Variants in GLDC observed in about 807,000 individuals in gnomAD.
GLDC encodes glycine decarboxylase.
Under a neutral mutation model 121.3 loss-of-function variants are expected in GLDC, and 104 were observed. The ratio of observed to expected loss-of-function variants is 0.86; its 90% CI spans 0.73 to 1.01. The LOEUF (loss-of-function observed/expected upper bound fraction) is 1.01, where lower values mean the gene tolerates loss of function less well. GLDC is among the 50% of genes least tolerant of loss of function. The pLI is 0.00. For missense variants in GLDC, 1,429 were observed against 1,306.6 expected (o/e 1.09, Z -1.44); for synonymous variants, 546 against 480.6 (o/e 1.14, Z -1.78).
In GLDC at chr9:6,620,327, T is replaced by G. The variant is rs770049528; in HGVS notation, c.335-8A>C. 1.9e-6 allele frequency: 3 copies of G among 1,612,124 alleles called. No homozygotes were observed. The highest frequency in any genetic ancestry group is 2.5e-6 in the Non-Finnish European group (3 of 1,178,184). On this transcript the variant is annotated splice_region_variant and splice_polypyrimidine_tract_variant and intron_variant, in intron 2 of 24. Coordinates refer to ENST00000321612, the MANE Select transcript of GLDC (RefSeq NM_000170.3). ...CAAGGATTTCATTTTCACCTAATTG[T>G]GGGAAAAAGAGAAATGTTACAGACA...
intron 2 of GLDC, among the ~76,000 whole-genome samples, chr9:6,642,388 G>A (rs1028481569): frequency 2.6e-5 from 4 of 151,998 alleles, no homozygotes; most frequent in African/African-American, 4.8e-5. Context: ...AAAATTAGCC[G>A]GGCATGGTGG....
At chr9:6,565,332 C>A (rs781148068) in intron 16 of GLDC, 22 bp downstream of exon 16, 1 of 1,575,498 alleles carries the variant, frequency 6.3e-7, no homozygotes, top group Admixed American at 1.7e-5. Context: ...GGTGAGCAAG[C>A]GCCACCTCCT....
At chr9:6,569,970 A>T (rs1817925349) in intron 15 of GLDC, among the ~76,000 whole-genome samples, 1 of 152,140 alleles carries the variant, frequency 6.6e-6, no homozygotes, top group South Asian at 2.1e-4. Context: ...AGTGAGACTC[A>T]GGCTCATGGC....
At chr9:6,644,009 G>A (rs1819681244) in intron 2 of GLDC, among the ~76,000 whole-genome samples, 1 of 105,166 alleles carries the variant, frequency 9.5e-6, no homozygotes, top group Non-Finnish European at 1.8e-5. Flanking sequence ...ACTCCAGCCT[G>A]GGCGACAGAG....
intron 15 of GLDC, among the ~76,000 whole-genome samples, chr9:6,569,890 C>A (rs1384704566): frequency 6.6e-6 from 1 of 151,622 alleles, no homozygotes; most frequent in Non-Finnish European, 1.5e-5. Context: ...GCAGGAGAAT[C>A]GCTTAAAGCA....
intron 2 of GLDC, among the ~76,000 whole-genome samples, chr9:6,626,815 C>T (rs928051537): frequency 6.6e-6 from 1 of 152,174 alleles, no homozygotes; most frequent in Non-Finnish European, 1.5e-5. Flanking sequence ...CACCACCTGC[C>T]ACTCAGGCAC....
intron 20 of GLDC, among the ~76,000 whole-genome samples, 182 bp downstream of exon 20, chr9:6,553,186 T>C (rs2129713797): frequency 1.3e-5 from 2 of 152,266 alleles, no homozygotes; most frequent in Admixed American, 6.5e-5. Context: ...AGAGATGAAA[T>C]GATTTTTAGC....
At chr9:6,603,127 C>G (rs1818652248) in intron 7 of GLDC, among the ~76,000 whole-genome samples, 1 of 151,798 alleles carries the variant, frequency 6.6e-6, no homozygotes, top group African/African-American at 2.4e-5. Context: ...ACTTGGGAGG[C>G]TGAGGCTCAA....
intron 9 of GLDC, among the ~76,000 whole-genome samples, chr9:6,594,581 G>C (rs1818450687): frequency 6.6e-6 from 1 of 151,956 alleles, no homozygotes; most frequent in African/African-American, 2.4e-5. Context: ...CTTAATCCCA[G>C]TTACCTGAGA....
chr9:6,553,290 A>G, intron 20 of GLDC, 78 bp downstream of exon 20: 1 of 1,258,596 alleles, frequency 7.9e-7, no homozygotes, highest in Non-Finnish European at 1.2e-6. Flanking sequence ...TTAAGCCAAG[A>G]AGTCTGCAGT....
chr9:6,559,888 G>A (rs1049477556), intron 16 of GLDC, among the ~76,000 whole-genome samples: 8 of 152,178 alleles, frequency 5.3e-5, no homozygotes, highest in Non-Finnish European at 1.0e-4. Context: ...CACTAACAAT[G>A]GTGGCCTGTG....
chr9:6,628,294 G>C (rs1446799854), intron 2 of GLDC, among the ~76,000 whole-genome samples: 2 of 152,128 alleles, frequency 1.3e-5, no homozygotes, highest in Admixed American at 6.5e-5. Context: ...CCAAACCTTG[G>C]AAAGCAAATG....
At chr9:6,623,367 G>A (rs2129961683) in intron 2 of GLDC, among the ~76,000 whole-genome samples, 1 of 144,462 alleles carries the variant, frequency 6.9e-6, no homozygotes, top group South Asian at 2.3e-4. Flanking sequence ...AGGGTTAAAT[G>A]GATTAAGGGC....
At chr9:6,545,345 A>G (rs902097986) in intron 21 of GLDC, among the ~76,000 whole-genome samples, 5 of 152,208 alleles carry the variant, frequency 3.3e-5, no homozygotes, top group African/African-American at 1.2e-4. Flanking sequence ...ACTGTAGGCA[A>G]TTGTAACACA....
At chr9:6,631,453 AT>A (rs1327233468) in intron 2 of GLDC, among the ~76,000 whole-genome samples, 2 of 152,152 alleles carry the variant, frequency 1.3e-5, no homozygotes, top group African/African-American at 4.8e-5. Context: ...ATGTCTTGTT[AT>A]TTTACTCCTT....
chr9:6,629,958 T>TATATATATATATACATATATATATATATA, intron 2 of GLDC, among the ~76,000 whole-genome samples: 1 of 78,680 alleles, frequency 1.3e-5, no homozygotes, highest in East Asian at 3.7e-4. Context: ...TATATATATA[T>TATATATATATATACATATATATATATATA]TTTTTTTTTT....
At chr9:6,536,367 T>G (rs1817131030) in intron 22 of GLDC, 131 bp from the exon 23 acceptor site, 1 of 818,948 alleles carries the variant, frequency 1.2e-6, no homozygotes, top group Non-Finnish European at 2.1e-6. Context: ...TGTATGTATG[T>G]GGGGACTCAT....
intron 21 of GLDC, among the ~76,000 whole-genome samples, chr9:6,544,319 C>G (rs1363647060): frequency 6.6e-6 from 1 of 152,144 alleles, no homozygotes; most frequent in African/African-American, 2.4e-5. Flanking sequence ...CCTGAGGCCC[C>G]TGCCCACCCA....
rs150171524 is a variant in GLDC at position 6,602,147 on chromosome 9, G to A, written c.1117C>T (p.Arg373Trp). ...ATGTTGCTGGTAGCCTTGTCTCTCC[G>A]AATGTGTTGCTCCCTGGTTTGAAGA... The part of the protein sequence containing the change: ...LALQTREQHI[R>W]RDKATSNICT... The change falls in exon 8 of 25, where the codon CGG becomes TGG. Residue 373 changes from arginine (R) to tryptophan (W), a missense_variant. Transcript: ENST00000321612. 13 of 1,613,156 alleles carry A rather than the reference G, an allele frequency of 8.1e-6. No individual in the cohort carries two copies. The highest frequency in any genetic ancestry group is 8.5e-6 in the Non-Finnish European group (10 of 1,179,356).
Sources: allele counts gnomAD v4.1 joint callset (sites outside exome capture counted in the v4.1 genomes callset), GRCh38; gene constraint gnomAD v4.1.1; transcripts MANE v1.5; gene names NCBI Gene and HGNC (gene_info 2026-07-23, HGNC 2026-07-21).